The following RAPGEF4 variants were observed in gnomAD, a reference collection of about 807,000 sequenced individuals.
The protein encoded by RAPGEF4 is Rap guanine nucleotide exchange factor 4.
A neutral mutation model predicts 147.9 loss-of-function variants in RAPGEF4; 66 were observed. The observed-to-expected ratio is 0.45, with a 90% CI of 0.37 to 0.55. The LOEUF is 0.55. RAPGEF4 is among the 20% of genes least tolerant of loss of function. The pLI is 0.00. For synonymous variants in RAPGEF4, 419 were observed against 442.7 expected, an observed-to-expected ratio of 0.95 and a Z score of 0.67; for missense variants, 1,071 against 1,257.3, an observed-to-expected ratio of 0.85 and a Z score of 2.24.
chr2:172,876,757 G>A (rs932538805), intron 4 of RAPGEF4, among the ~76,000 whole-genome samples: 1 of 152,170 alleles, frequency 6.6e-6, no homozygotes, highest in Non-Finnish European at 1.5e-5. Context: ...GATGATGCTG[G>A]CCTCATAAAA....
At chr2:172,814,179 G>T in intron 3 of RAPGEF4, 100 bp from the exon 4 acceptor site, 2 of 1,160,334 alleles carry the variant, frequency 1.7e-6, no homozygotes, top group African/African-American at 1.5e-5. Context: ...AATTAAATTG[G>T]GTGTTTTGCC....
chr2:173,047,958 G>A (rs904582424), intron 29 of RAPGEF4, among the ~76,000 whole-genome samples: 2 of 152,226 alleles, frequency 1.3e-5, no homozygotes, highest in South Asian at 2.1e-4. Context: ...TTACAGGCGT[G>A]AGCCACTGCA....
In RAPGEF4 at chr2:172,923,278, T is replaced by C. The variant is rs78151959; in HGVS notation, c.537+978T>C. 1.1e-4 allele frequency among the ~76,000 whole-genome samples: 16 copies of C among 152,272 alleles called. No homozygotes were observed. In the East Asian group the frequency reaches 3.1e-3, roughly 29 times the overall value. On this transcript the variant is annotated intron_variant, in intron 6 of 30. Transcript: ENST00000397081. ...GGAGGTGGGGGTTGATTTTGGTTTT[T>C]GTTTTTTTGTGATGGAGTCTCACTC... is the stretch of plus-strand genomic sequence containing the variant.
intron 23 of RAPGEF4, among the ~76,000 whole-genome samples, chr2:173,024,220 T>A (rs74890028): frequency 3.4e-4 from 6 of 17,514 alleles, no homozygotes; most frequent in South Asian, 3.7e-3. Context: ...TTTTTATTAT[T>A]TTTTTTTTTT....
intron 1 of RAPGEF4, among the ~76,000 whole-genome samples, chr2:172,785,400 T>C (rs1376096570): frequency 6.6e-6 from 1 of 152,188 alleles, no homozygotes; most frequent in Non-Finnish European, 1.5e-5. Context: ...TCTTGGTGGC[T>C]AATAATGATG....
intron 4 of RAPGEF4, among the ~76,000 whole-genome samples, chr2:172,833,960 T>C (rs1394343340): frequency 2.0e-5 from 3 of 152,238 alleles, no homozygotes; most frequent in Non-Finnish European, 4.4e-5. Context: ...TTGATGTTTT[T>C]ATCCTTTTTC....
At chr2:173,026,514 A>C in intron 23 of RAPGEF4, 58 bp from the exon 24 acceptor site, 2 of 1,540,374 alleles carry the variant, frequency 1.3e-6, no homozygotes, top group Non-Finnish European at 1.8e-6. Context: ...GAAAGCTTTT[A>C]GTGCTAAATA....
chr2:172,803,420 A>C (rs2081405), intron 3 of RAPGEF4, among the ~76,000 whole-genome samples: 2 of 152,196 alleles, frequency 1.3e-5, no homozygotes, highest in African/African-American at 4.8e-5. Context: ...GAGCTGTACC[A>C]TGGCCCCTTT....
chr2:172,766,771 G>A (rs757380777), intron 1 of RAPGEF4, among the ~76,000 whole-genome samples: 3 of 152,218 alleles, frequency 2.0e-5, no homozygotes, highest in Non-Finnish European at 2.9e-5. Context: ...AAATGGAATC[G>A]TTTAATAGAT....
At chr2:172,827,616 G>T (rs2149657032) in intron 4 of RAPGEF4, among the ~76,000 whole-genome samples, 1 of 152,238 alleles carries the variant, frequency 6.6e-6, no homozygotes, top group African/African-American at 2.4e-5. Context: ...AGGACATAGT[G>T]ACAGTCCTGG....
intron 5 of RAPGEF4, among the ~76,000 whole-genome samples, chr2:172,920,621 A>G (rs1000487349): frequency 6.6e-6 from 1 of 152,060 alleles, no homozygotes; most frequent in African/African-American, 2.4e-5. Context: ...TCTTAGCCCA[A>G]CTGTCAAGTT....
intron 4 of RAPGEF4, among the ~76,000 whole-genome samples, chr2:172,838,713 A>G (rs1261875745): frequency 6.6e-6 from 1 of 152,048 alleles, no homozygotes; most frequent in East Asian, 1.9e-4. Context: ...GATATTGTGT[A>G]CCCCAAATAT....
At chr2:172,875,808 G>T (rs1695848991) in intron 4 of RAPGEF4, among the ~76,000 whole-genome samples, 3 of 152,166 alleles carry the variant, frequency 2.0e-5, no homozygotes, top group Admixed American at 6.5e-5. Context: ...TGATGGGGAT[G>T]GCATTGAATC....
intron 17 of RAPGEF4, among the ~76,000 whole-genome samples, chr2:173,011,170 G>GCGCACACACACACACACACA (rs564434178): frequency 6.0e-5 from 8 of 133,500 alleles, no homozygotes; most frequent in African/African-American, 2.0e-4. Flanking sequence ...GCGCGCGCGC[G>GCGCACACACACACACACACA]CACACACACA....
intron 6 of RAPGEF4, among the ~76,000 whole-genome samples, chr2:172,942,762 G>A (rs564025560): frequency 1.6e-4 from 24 of 152,070 alleles, no homozygotes; most frequent in East Asian, 5.8e-4. Context: ...TTTTAATAAC[G>A]TATTTTTATT....
upstream of RAPGEF4, chr2:172,735,555 G>T (rs1290056251): frequency 6.6e-5 from 10 of 152,174 alleles, no homozygotes; most frequent in Non-Finnish European, 1.5e-4. Context: ...CTGCCTTGGC[G>T]CCTGCCCTCC....
intron 4 of RAPGEF4, among the ~76,000 whole-genome samples, chr2:172,873,210 T>C (rs892459297): frequency 7.9e-5 from 12 of 152,214 alleles, no homozygotes; most frequent in African/African-American, 2.7e-4. Context: ...GACTAGGCAT[T>C]GGGAGACTCC....
chr2:172,912,992 T>A (rs1430083015), intron 4 of RAPGEF4, among the ~76,000 whole-genome samples: 2 of 148,950 alleles, frequency 1.3e-5, no homozygotes, highest in Non-Finnish European at 3.0e-5. Flanking sequence ...ACCTCCCGGG[T>A]TCAAGCAATT....
chr2:172,832,152 G>T (rs1690425173), intron 4 of RAPGEF4, among the ~76,000 whole-genome samples: 1 of 152,090 alleles, frequency 6.6e-6, no homozygotes, highest in Non-Finnish European at 1.5e-5. Flanking sequence ...CTTCATTTGG[G>T]CACCTGTTGT....
Sources: gnomAD v4.1 joint callset for allele counts (sites outside exome capture counted in the v4.1 genomes callset) on GRCh38, gnomAD v4.1.1 for gene constraint, MANE v1.5 for transcripts, NCBI Gene and HGNC (gene_info 2026-07-23, HGNC 2026-07-21) for gene names.